The following COL13A1 variants were observed in gnomAD, a reference collection of about 807,000 sequenced individuals.
The protein encoded by COL13A1 is collagen alpha-1(XIII) chain.
A neutral mutation model predicts 130.9 loss-of-function variants in COL13A1; 89 were observed. The ratio of observed to expected loss-of-function variants is 0.68; its 90% CI spans 0.57 to 0.81. The LOEUF (loss-of-function observed/expected upper bound fraction) is 0.81. Among genes scored for constraint, COL13A1 ranks in the 30% least tolerant of loss-of-function variants. The pLI is 0.00. For missense variants in COL13A1, 879 were observed against 934.6 expected, an observed-to-expected ratio of 0.94 and a Z score of 0.78; for synonymous variants, 402 against 341.6, an observed-to-expected ratio of 1.18 and a Z score of -1.95.
At chr10:69,803,914 C>T (rs780917580) in intron 1 of COL13A1, among the ~76,000 whole-genome samples, 1 of 152,168 alleles carries the variant, frequency 6.6e-6, no homozygotes, top group Admixed American at 6.5e-5. Context: ...TATAGCCAGG[C>T]TCTTCTCAGC....
chr10:69,915,920 G>A (rs1356454381), intron 17 of COL13A1, among the ~76,000 whole-genome samples: 1 of 152,212 alleles, frequency 6.6e-6, no homozygotes, highest in Admixed American at 6.5e-5. Flanking sequence ...GATGAGGCTA[G>A]GAAGGAAGCA....
At position 69,932,551 on chromosome 10, in the gene COL13A1, T is replaced by C. The variant is rs1410954187; in HGVS notation, c.1684-9T>C. 1.2e-6 allele frequency: 2 copies of C among 1,608,566 alleles called. No individual in the cohort carries two copies. The highest frequency in any genetic ancestry group is 1.3e-5 in the African/African-American group (1 of 74,816). ...CTGGCATTCATGCAGTGGTGTTTTG[T>C]GCCCACAGGGAGAGAAAGGAGAAGC... On this transcript the variant is annotated splice_polypyrimidine_tract_variant and intron_variant, in intron 30 of 40. Transcript: ENST00000645393.
chr10:69,904,560 C>T (rs2062540807), intron 15 of COL13A1, among the ~76,000 whole-genome samples: 1 of 152,202 alleles, frequency 6.6e-6, no homozygotes, highest in Admixed American at 6.5e-5. Context: ...AAAACCGAGG[C>T]TTTGCTGGGC....
chr10:69,926,338 G>T (rs539860673), intron 26 of COL13A1, among the ~76,000 whole-genome samples: 1 of 152,330 alleles, frequency 6.6e-6, no homozygotes, highest in South Asian at 2.1e-4. Context: ...GGGTTTCCCA[G>T]CCTTGGCACT....
chr10:69,864,642 C>G (rs558592004), intron 2 of COL13A1, among the ~76,000 whole-genome samples: 7 of 152,260 alleles, frequency 4.6e-5, no homozygotes, highest in African/African-American at 1.7e-4. Context: ...GTTGAATGAA[C>G]GAACATACAA....
At position 69,923,800 on chromosome 10, in the gene COL13A1, A is replaced by G. The variant is rs1055490572; in HGVS notation, c.1231-2A>G. Reference sequence around the variant, plus strand: ...TCATCCCAACTCTCTCCTCTTCCCCAGGGAGAAGCAGGTGTCGATGGCCAG... The same window carrying G: ...TCATCCCAACTCTCTCCTCTTCCCCGGGGAGAAGCAGGTGTCGATGGCCAG... On this transcript the variant is annotated splice_acceptor_variant, in intron 23 of 40. Coordinates refer to ENST00000645393, the MANE Select transcript of COL13A1 (RefSeq NM_001368882.1). LOFTEE classifies it high-confidence loss of function. The G allele has an allele frequency of 1.9e-6, 3 of 1,609,642 alleles. No individual in the cohort carries two copies. The highest frequency in any genetic ancestry group is 2.5e-6 in the Non-Finnish European group (3 of 1,178,336).
At chr10:69,865,248 G>A (rs1257169953) in intron 2 of COL13A1, among the ~76,000 whole-genome samples, 1 of 152,192 alleles carries the variant, frequency 6.6e-6, no homozygotes, top group Non-Finnish European at 1.5e-5. Context: ...CCATCCTTTG[G>A]TGCCTGGCCA....
At position 69,955,707 on chromosome 10, in the gene COL13A1, C is replaced by T. The variant is rs77478516; in HGVS notation, c.2146-1297C>T. On this transcript the variant is annotated intron_variant, in intron 39 of 40. Coordinates refer to ENST00000645393, the MANE Select transcript of COL13A1 (RefSeq NM_001368882.1). The stretch of plus-strand genomic sequence containing the variant: ...CACCTCCTCCCCCTGCAATCCCCTC[C>T]CCAACCCAGAGGGGAAAATGAAGGT... 1,292 of 152,372 alleles carry T rather than the reference C, an allele frequency of 8.5e-3. 10 individuals carry two copies. Among genetic ancestry groups the T allele is most frequent in the Non-Finnish European group, 0.014 (965 of 68,060 alleles). The allele number at this position is 152,372 out of a possible 1,614,324, so 9.4% of individuals were successfully genotyped here.
At chr10:69,888,192 G>A (rs2060790091) in intron 8 of COL13A1, 112 bp from the exon 9 acceptor site, 5 of 1,291,202 alleles carry the variant, frequency 3.9e-6, no homozygotes, top group East Asian at 2.5e-5. Context: ...GCAGGGCCTT[G>A]AGCTCCAACT....
At chr10:69,918,980 A>G (rs1269517929) in intron 19 of COL13A1, 82 bp from the exon 20 acceptor site, 2 of 1,570,316 alleles carry the variant, frequency 1.3e-6, no homozygotes, top group African/African-American at 1.4e-5. Flanking sequence ...ACTGCCCCCA[A>G]CCCCACCTCC....
chr10:69,920,813 G>T (rs1471579005), intron 21 of COL13A1, among the ~76,000 whole-genome samples: 2 of 152,190 alleles, frequency 1.3e-5, no homozygotes, highest in African/African-American at 4.8e-5. Flanking sequence ...TGAAAAGAAG[G>T]CAGAGCATCA....
At chr10:69,845,392 C>T (rs1370263364) in intron 2 of COL13A1, among the ~76,000 whole-genome samples, 7 of 152,054 alleles carry the variant, frequency 4.6e-5, no homozygotes, top group Non-Finnish European at 1.0e-4. Context: ...AGGGATTCAC[C>T]ATGTTGGCCA....
rs1030694183 is a variant in COL13A1 at position 69,802,802 on chromosome 10, G to A, written c.294+85G>A. On this transcript the variant is annotated intron_variant, in intron 1 of 40. Transcript: ENST00000645393. The stretch of plus-strand genomic sequence containing the variant: ...CAGACTGTTCAGCCGGTGTCCGCGG[G>A]CGCTCGCTCTCTGCGAGCCCCAGGT... 1.5e-5 allele frequency: 23 copies of A among 1,545,126 alleles called. No homozygotes were observed. In the Admixed American group the frequency reaches 4.0e-4, roughly 27 times the overall value.
intron 32 of COL13A1, 96 bp from the exon 33 acceptor site, chr10:69,936,660 C>G: frequency 6.7e-7 from 1 of 1,498,386 alleles, no homozygotes; most frequent in Admixed American, 1.7e-5. Flanking sequence ...TACTCTGCAC[C>G]CAAAACCCTT....
intron 1 of COL13A1, among the ~76,000 whole-genome samples, chr10:69,807,353 G>A (rs1306084129): frequency 6.6e-6 from 1 of 152,174 alleles, no homozygotes; most frequent in African/African-American, 2.4e-5. Flanking sequence ...TCTCCTGGGA[G>A]AGGAAGTGGT....
chr10:69,857,600 C>A (rs1360397506), intron 2 of COL13A1, among the ~76,000 whole-genome samples: 2 of 152,158 alleles, frequency 1.3e-5, no homozygotes, highest in Non-Finnish European at 2.9e-5. Flanking sequence ...CAAGGCGGAA[C>A]AGTTTTATCC....
At chr10:69,814,777 G>A (rs1844015693) in intron 1 of COL13A1, among the ~76,000 whole-genome samples, 1 of 152,164 alleles carries the variant, frequency 6.6e-6, no homozygotes, top group South Asian at 2.1e-4. Flanking sequence ...GCCTACAATA[G>A]ATTCTTCACT....
intron 10 of COL13A1, 107 bp downstream of exon 10, chr10:69,889,547 C>A (rs2060956760): frequency 2.9e-6 from 4 of 1,402,432 alleles, no homozygotes; most frequent in African/African-American, 1.4e-5. Context: ...ACAGGAATGG[C>A]TGTCCATGCT....
chr10:69,918,990 C>A, intron 19 of COL13A1, 72 bp from the exon 20 acceptor site: 1 of 1,596,034 alleles, frequency 6.3e-7, no homozygotes, highest in African/African-American at 1.3e-5. Flanking sequence ...ACCCCACCTC[C>A]ACCAACAGGT....
Sources: gnomAD v4.1 joint callset for allele counts (sites outside exome capture counted in the v4.1 genomes callset) on GRCh38, gnomAD v4.1.1 for gene constraint, MANE v1.5 for transcripts, NCBI Gene and HGNC (gene_info 2026-07-23, HGNC 2026-07-21) for gene names.